TTLL5: variants seen among roughly 807,000 people sequenced by gnomAD.
The protein encoded by TTLL5 is tubulin polyglutamylase TTLL5.
In TTLL5, 132 loss-of-function variants were observed where a neutral mutation model predicts 168.4. The observed-to-expected ratio is 0.78, with a 90% CI of 0.68 to 0.91. The LOEUF is 0.91. Among genes scored for constraint, TTLL5 ranks in the 40% least tolerant of loss-of-function variants. The pLI is 0.00. For synonymous variants in TTLL5, 546 were observed against 558.6 expected (o/e 0.98, Z 0.32); for missense variants, 1,545 against 1,581.5 (o/e 0.98, Z 0.39).
At chr14:75,680,072 A>G (rs1358093069) in intron 3 of TTLL5, among the ~76,000 whole-genome samples, 2 of 152,354 alleles carry the variant, frequency 1.3e-5, no homozygotes, top group Admixed American at 1.3e-4. Context: ...GAATTGTTCA[A>G]TTCAGAAACT....
chr14:75,768,554 G>C (rs1311188935), intron 20 of TTLL5, among the ~76,000 whole-genome samples: 1 of 151,944 alleles, frequency 6.6e-6, no homozygotes, highest in Admixed American at 6.6e-5. Flanking sequence ...GGAAGGATTT[G>C]AGGATAAGAG....
At chr14:75,946,868 A>G (rs940889992) in intron 31 of TTLL5, among the ~76,000 whole-genome samples, 8 of 152,196 alleles carry the variant, frequency 5.3e-5, no homozygotes, top group African/African-American at 1.9e-4. Flanking sequence ...GCTGGCAGAT[A>G]TGGATGGAAG....
chr14:75,742,079 C>T (rs994905770), intron 15 of TTLL5, among the ~76,000 whole-genome samples: 3 of 152,156 alleles, frequency 2.0e-5, no homozygotes, highest in Non-Finnish European at 4.4e-5. Flanking sequence ...TAAATACAGC[C>T]ATGCATTCCT....
chr14:75,952,991 A>C (rs1022809490), intron 31 of TTLL5, among the ~76,000 whole-genome samples: 10 of 152,242 alleles, frequency 6.6e-5, no homozygotes, highest in Admixed American at 2.6e-4. Flanking sequence ...TGAGTTGTAC[A>C]TGCTAAAGGA....
intron 5 of TTLL5, chr14:75,689,921 T>TA (rs1440305340): frequency 3.1e-6 from 1 of 325,180 alleles, no homozygotes; most frequent in Non-Finnish European, 5.6e-6. Context: ...GTTACATAAT[T>TA]GTATGTGTTT....
At chr14:75,940,075 A>G (rs2034550320) in intron 31 of TTLL5, among the ~76,000 whole-genome samples, 1 of 128,538 alleles carries the variant, frequency 7.8e-6, no homozygotes, top group Non-Finnish European at 1.6e-5. Context: ...AAGAAATTAA[A>G]TCTTTTTTTT....
In TTLL5 at chr14:75,783,542, A is replaced by G. The variant is rs1214874515; in HGVS notation, c.2986+12A>G. 3 of 1,608,754 alleles carry G rather than the reference A, an allele frequency of 1.9e-6. No homozygotes were observed. Among genetic ancestry groups the G allele is most frequent in the Non-Finnish European group, 2.6e-6 (3 of 1,176,128 alleles). On this transcript the variant is annotated intron_variant, in intron 26 of 31. Transcript: ENST00000298832. ...TTCAGCAAAGGCAGGTGAGTGAGAG[A>G]ACGAAAGACAGTCCACAATGTGAGC...
chr14:75,773,290 T>A (rs954695347), intron 21 of TTLL5, among the ~76,000 whole-genome samples: 2 of 152,196 alleles, frequency 1.3e-5, no homozygotes, highest in Admixed American at 6.5e-5. Context: ...TCAGTTTGTC[T>A]GCTCCACTGT....
At chr14:75,839,696 CATGGGGATT>C (rs1896113014) in intron 28 of TTLL5, among the ~76,000 whole-genome samples, 1 of 152,164 alleles carries the variant, frequency 6.6e-6, no homozygotes, top group African/African-American at 2.4e-5. Context: ...TCTCACAACA[CATGGGGATT>C]ATGGGGATTA....
intron 29 of TTLL5, 71 bp downstream of exon 29, chr14:75,863,933 A>AAAAAAAAC: frequency 1.6e-6 from 2 of 1,268,260 alleles, no homozygotes; most frequent in Non-Finnish European, 2.1e-6. Context: ...AAAAAAAAAA[A>AAAAAAAAC]AGGTCAGTGA....
chr14:75,724,138 A>G (rs1382737848), intron 12 of TTLL5, among the ~76,000 whole-genome samples: 2 of 151,880 alleles, frequency 1.3e-5, no homozygotes, highest in Non-Finnish European at 2.9e-5. Context: ...GGGGTTCGCT[A>G]TATTCTTTTG....
chr14:75,826,714 C>T (rs1895164343), intron 28 of TTLL5, among the ~76,000 whole-genome samples: 1 of 152,128 alleles, frequency 6.6e-6, no homozygotes, highest in South Asian at 2.1e-4. Flanking sequence ...TTTAATTCTC[C>T]TGGCATGGTT....
chr14:75,840,681 C>T (rs1303526357), intron 28 of TTLL5, among the ~76,000 whole-genome samples: 1 of 152,150 alleles, frequency 6.6e-6, no homozygotes, highest in Non-Finnish European at 1.5e-5. Flanking sequence ...TTAAGGCATT[C>T]TATAGGGTTT....
rs1555356357 is a variant in TTLL5 at position 75,914,029 on chromosome 14, A to ATATATAT, written c.3823+11805_3823+11806insTATATAT. On this transcript the variant is annotated intron_variant, in intron 31 of 31. Coordinates refer to ENST00000298832, the MANE Select transcript of TTLL5 (RefSeq NM_015072.5). ...GACTGTTTAAAAGGAAAAAAAAAAAAAAAAATATATATATATATATATATA... is the reference window on the plus strand; with the variant it reads ...GACTGTTTAAAAGGAAAAAAAAAAAATATATATAAAAATATATATATATATATATATA... Among the ~76,000 whole-genome samples, 15 of 78,296 alleles carry ATATATAT rather than the reference A, an allele frequency of 1.9e-4. No homozygotes were observed. The African/African-American group carries it at 2.3e-3, about 12-fold the overall frequency. The allele number at this position is 78,296 out of a possible 152,430, so 51.4% of individuals were successfully genotyped here.
At chr14:75,925,895 C>T (rs190331569) in intron 31 of TTLL5, among the ~76,000 whole-genome samples, 1 of 152,056 alleles carries the variant, frequency 6.6e-6, no homozygotes, top group Non-Finnish European at 1.5e-5. Context: ...CAAAAAAGTA[C>T]GAAAACCAGT....
At chr14:75,780,973 G>T (rs927149024) in intron 24 of TTLL5, among the ~76,000 whole-genome samples, 1 of 152,138 alleles carries the variant, frequency 6.6e-6, no homozygotes, top group African/African-American at 2.4e-5. Context: ...TTATTGTCTG[G>T]TAGGTAAAAG....
chr14:75,773,969 G>GAGAGAGAGAAAGAGAGAA (rs1891553062), intron 21 of TTLL5, among the ~76,000 whole-genome samples: 1 of 126,234 alleles, frequency 7.9e-6, no homozygotes, highest in African/African-American at 3.6e-5. Context: ...GAGAGAGAGA[G>GAGAGAGAGAAAGAGAGAA]AGAGAGAGAG....
intron 31 of TTLL5, among the ~76,000 whole-genome samples, chr14:75,929,026 G>A (rs2034183740): frequency 7.0e-6 from 1 of 142,804 alleles, no homozygotes; most frequent in African/African-American, 2.6e-5. Context: ...TTATTTCGTG[G>A]CCACGGAGCA....
Position 75,930,655 on chromosome 14 carries a change from C to G in TTLL5, c.3824-23769C>G, listed in dbSNP as rs116244227. The G allele has an allele frequency of 1.6e-3, 1,547 of 985,052 alleles. 28 individuals carry two copies. The South Asian group carries it at 0.024, about 16-fold the overall frequency. 61.0% of individuals were successfully genotyped at this position (985,052 alleles called of 1,614,324 possible). On this transcript the variant is annotated intron_variant, in intron 31 of 31. Coordinates refer to ENST00000298832, the MANE Select transcript of TTLL5 (RefSeq NM_015072.5). ...CAGAGGTCAAGTGGGAGATAAGTGA[C>G]GGGGGGAAATGCAAAAATAGGATTA...
Sources: gnomAD v4.1 joint callset for allele counts (sites outside exome capture counted in the v4.1 genomes callset) on GRCh38, gnomAD v4.1.1 for gene constraint, MANE v1.5 for transcripts, NCBI Gene and HGNC (gene_info 2026-07-23, HGNC 2026-07-21) for gene names.